The following VIPR2 variants were observed in gnomAD, a reference collection of about 807,000 sequenced individuals.
VIPR2 encodes vasoactive intestinal peptide receptor 2, also known as vasoactive intestinal polypeptide receptor 2.
In VIPR2, 48 loss-of-function variants were observed where a neutral mutation model predicts 58.0. The ratio of observed to expected loss-of-function variants is 0.83; its 90% CI spans 0.66 to 1.05. VIPR2 has a LOEUF of 1.05. VIPR2 is among the 50% of genes least tolerant of loss of function. The pLI is 0.00. For synonymous variants in VIPR2, 243 were observed against 235.2 expected (o/e 1.03, Z -0.30); for missense variants, 534 against 558.0 (o/e 0.96, Z 0.43).
At chr7:159,123,288 T>TA (rs370294230) in intron 2 of VIPR2, among the ~76,000 whole-genome samples, 28,314 of 72,800 alleles carry the variant, frequency 0.39, 7,612 homozygotes, top group Middle Eastern at 0.5. Flanking sequence ...CAAGACTCTG[T>TA]AAAAAAAAAA....
At chr7:159,121,490 A>C (rs1291022555) in intron 2 of VIPR2, among the ~76,000 whole-genome samples, 1 of 152,220 alleles carries the variant, frequency 6.6e-6, no homozygotes, top group Non-Finnish European at 1.5e-5. Flanking sequence ...ATTTTGACAC[A>C]CTGTTACACA....
intron 1 of VIPR2, chr7:159,144,233 A>G (rs376083265): frequency 7.6e-7 from 1 of 1,316,652 alleles, no homozygotes; most frequent in Non-Finnish European, 9.8e-7. Context: ...CTTGGGAAAA[A>G]GCAACTATTT....
intron 5 of VIPR2, among the ~76,000 whole-genome samples, chr7:159,046,619 C>T (rs759398870): frequency 2.0e-5 from 3 of 152,082 alleles, no homozygotes; most frequent in Non-Finnish European, 2.9e-5. Flanking sequence ...AGTTACACAA[C>T]ACTGTGAAGG....
chr7:159,079,697 C>T (rs1267379537), intron 4 of VIPR2, among the ~76,000 whole-genome samples: 2 of 152,006 alleles, frequency 1.3e-5, no homozygotes, highest in South Asian at 2.1e-4. Context: ...TTGAAAAGAT[C>T]AACAAAATTG....
intron 2 of VIPR2, among the ~76,000 whole-genome samples, chr7:159,126,080 G>A (rs1585548963): frequency 6.6e-6 from 1 of 152,326 alleles, no homozygotes; most frequent in Admixed American, 6.5e-5. Context: ...CCTGTGGAAT[G>A]TGAACTTGGG....
intron 4 of VIPR2, among the ~76,000 whole-genome samples, chr7:159,059,744 A>G (rs1855525660): frequency 1.1e-5 from 1 of 91,848 alleles, no homozygotes; most frequent in Non-Finnish European, 3.0e-5. Context: ...TCACCTAACC[A>G]CCACTCTCAA....
At chr7:159,043,327 G>A in intron 5 of VIPR2, 151 bp from the exon 6 acceptor site, 3 of 652,706 alleles carry the variant, frequency 4.6e-6, no homozygotes, top group East Asian at 3.3e-5. Flanking sequence ...ACCATGAATG[G>A]CAACTGCAAT....
chr7:159,107,347 C>T lies in VIPR2; in HGVS notation c.259+2465G>A, dbSNP rs537083825. On this transcript the variant is annotated intron_variant, in intron 3 of 12. Transcript: ENST00000262178. ...CAGCTGTCGGAGCTGCCTCCTGGCCCCTGAGCATGGGGCATGAACAGCAGC... is the reference window on the plus strand; with the variant it reads ...CAGCTGTCGGAGCTGCCTCCTGGCCTCTGAGCATGGGGCATGAACAGCAGC... Among the ~76,000 whole-genome samples the T allele has an allele frequency of 2.0e-5, 3 of 152,304 alleles. No homozygotes were observed. The South Asian group carries it at 6.2e-4, about 32-fold the overall frequency.
chr7:159,142,365 G>A, intron 2 of VIPR2, 81 bp downstream of exon 2: 1 of 936,062 alleles, frequency 1.1e-6, no homozygotes, highest in East Asian at 2.6e-5. Flanking sequence ...TGCAGGTGGT[G>A]ACCCTGAACC....
intron 2 of VIPR2, among the ~76,000 whole-genome samples, chr7:159,121,646 C>T (rs1240016974): frequency 6.6e-6 from 1 of 152,190 alleles, no homozygotes; most frequent in Non-Finnish European, 1.5e-5. Flanking sequence ...AGAACACCAT[C>T]ATTTTTAATG....
chr7:159,123,864 T>C (rs1796560780), intron 2 of VIPR2, among the ~76,000 whole-genome samples: 1 of 152,242 alleles, frequency 6.6e-6, no homozygotes, highest in East Asian at 1.9e-4. Context: ...TGAGATGGTA[T>C]CTCATAATGG....
At chr7:159,133,034 A>ATGATTGGCATACCGATTGATTTTAGACAG (rs1563355780) in intron 2 of VIPR2, among the ~76,000 whole-genome samples, 1 of 123,344 alleles carries the variant, frequency 8.1e-6, no homozygotes, top group Admixed American at 7.5e-5. Context: ...AATGATTCCA[A>ATGATTGGCATACCGATTGATTTTAGACAG]AAATGCAGCC....
At chr7:159,034,082 G>T in intron 10 of VIPR2, 131 bp downstream of exon 10, 2 of 819,328 alleles carry the variant, frequency 2.4e-6, no homozygotes, top group Non-Finnish European at 3.9e-6. Context: ...GAGCCCTGGG[G>T]CCCAGCCTCG....
intron 5 of VIPR2, among the ~76,000 whole-genome samples, chr7:159,052,006 C>T (rs1039828046): frequency 2.6e-5 from 4 of 152,106 alleles, no homozygotes; most frequent in Admixed American, 6.5e-5. Context: ...CATTGAAAAA[C>T]GATGTGAATG....
intron 5 of VIPR2, among the ~76,000 whole-genome samples, chr7:159,049,966 T>C (rs1854889403): frequency 6.6e-6 from 1 of 152,234 alleles, no homozygotes; most frequent in Admixed American, 6.5e-5. Flanking sequence ...GCCTCTGCAA[T>C]TTAAGTATTT....
At chr7:159,112,436 G>A (rs571042268) in intron 2 of VIPR2, among the ~76,000 whole-genome samples, 1 of 152,342 alleles carries the variant, frequency 6.6e-6, no homozygotes, top group East Asian at 1.9e-4. Context: ...GCTGCCAGGC[G>A]GGAACACAGG....
chr7:159,125,507 C>T (rs998181765), intron 2 of VIPR2, among the ~76,000 whole-genome samples: 3 of 152,178 alleles, frequency 2.0e-5, no homozygotes, highest in African/African-American at 7.2e-5. Flanking sequence ...TGGTTACTCT[C>T]AGAGTCTGGG....
At chr7:159,142,071 T>C (rs1432778224) in intron 2 of VIPR2, among the ~76,000 whole-genome samples, 1 of 152,200 alleles carries the variant, frequency 6.6e-6, no homozygotes, top group Non-Finnish European at 1.5e-5. Flanking sequence ...CAGATCAAAA[T>C]CATCTGTCCT....
chr7:159,120,571 G>C (rs189894700), intron 2 of VIPR2, among the ~76,000 whole-genome samples: 56 of 152,300 alleles, frequency 3.7e-4, no homozygotes, highest in Non-Finnish European at 5.4e-4. Flanking sequence ...ATTTTTCCAG[G>C]TGTAAATTTT....
Sources: gnomAD v4.1 joint callset for allele counts (sites outside exome capture counted in the v4.1 genomes callset) on GRCh38, gnomAD v4.1.1 for gene constraint, MANE v1.5 for transcripts, NCBI Gene and HGNC (gene_info 2026-07-23, HGNC 2026-07-21) for gene names.